SLC4A4: variants seen among roughly 807,000 people sequenced by gnomAD.
SLC4A4 encodes solute carrier family 4 member 4, also known as electrogenic sodium bicarbonate cotransporter 1.
In SLC4A4, 27 loss-of-function variants were observed where a neutral mutation model predicts 111.5. That is an observed-to-expected ratio of 0.24 (90% confidence interval 0.18 to 0.33). SLC4A4 has a LOEUF of 0.33. Ranked by LOEUF, SLC4A4 falls within the 10% of genes least tolerant of loss-of-function variation. The probability of loss-of-function intolerance (pLI) is 1.00; values close to 1 mark genes in which losing one functional copy is unlikely to be tolerated. For synonymous variants in SLC4A4, 443 were observed against 463.4 expected, an observed-to-expected ratio of 0.96 and a Z score of 0.57; for missense variants, 909 against 1,315.5, an observed-to-expected ratio of 0.69 and a Z score of 4.78.
intron 14 of SLC4A4, among the ~76,000 whole-genome samples, chr4:71,476,012 T>C (rs1180789358): frequency 6.6e-6 from 1 of 151,810 alleles, no homozygotes; most frequent in African/African-American, 2.4e-5. Flanking sequence ...GTACCTCTTA[T>C]TGGTACTCAT....
intron 3 of SLC4A4, among the ~76,000 whole-genome samples, chr4:71,326,916 G>C (rs1194528518): frequency 6.6e-6 from 1 of 152,036 alleles, no homozygotes; most frequent in African/African-American, 2.4e-5. Context: ...TGATAACTAT[G>C]TAAACCAGTT....
chr4:71,177,529 C>T (rs1471639726), intron 2 of SLC4A4, among the ~76,000 whole-genome samples: 3 of 152,198 alleles, frequency 2.0e-5, no homozygotes, highest in East Asian at 3.9e-4. Context: ...GGTTGCAATC[C>T]TAGTCTCTGA....
chr4:71,314,905 A>G (rs930452827), intron 3 of SLC4A4, among the ~76,000 whole-genome samples: 1 of 152,124 alleles, frequency 6.6e-6, no homozygotes, highest in Admixed American at 6.6e-5. Flanking sequence ...GATGTTCAGC[A>G]CATGTATCCC....
intron 16 of SLC4A4, among the ~76,000 whole-genome samples, chr4:71,525,164 C>T (rs1733303868): frequency 6.6e-6 from 1 of 152,144 alleles, no homozygotes; most frequent in East Asian, 1.9e-4. Context: ...GTTGTTTTGC[C>T]AAAGAAGGAG....
intron 15 of SLC4A4, among the ~76,000 whole-genome samples, chr4:71,487,884 T>G (rs1193123109): frequency 6.6e-6 from 1 of 151,600 alleles, no homozygotes. Context: ...GACTGCTTTT[T>G]TTGCTGTTAA....
intron 6 of SLC4A4, among the ~76,000 whole-genome samples, chr4:71,379,262 C>T (rs992084270): frequency 1.3e-5 from 2 of 152,184 alleles, no homozygotes; most frequent in African/African-American, 4.8e-5. Context: ...CCTGAGTTCT[C>T]TAGCCTGTGG....
chr4:71,195,790 G>T (rs530700428), intron 1 of SLC4A4, among the ~76,000 whole-genome samples: 2 of 152,220 alleles, frequency 1.3e-5, no homozygotes, highest in South Asian at 4.1e-4. Flanking sequence ...TAACAAATAG[G>T]ATTATGACAA....
At chr4:71,437,211 A>G (rs1724241669) in intron 7 of SLC4A4, 4 of 391,992 alleles carry the variant, frequency 1.0e-5, no homozygotes, top group Non-Finnish European at 2.0e-5. Context: ...TATGCTGTCC[A>G]AGAATCCACC....
upstream of SLC4A4, among the ~76,000 whole-genome samples, chr4:71,183,454 G>A (rs1159270927): frequency 6.6e-6 from 1 of 152,158 alleles, no homozygotes; most frequent in African/African-American, 2.4e-5. Flanking sequence ...TGGGGTTTGA[G>A]GAAGAGAATG....
intron 20 of SLC4A4, among the ~76,000 whole-genome samples, chr4:71,550,130 C>T (rs955689175): frequency 6.6e-6 from 1 of 151,858 alleles, no homozygotes; most frequent in African/African-American, 2.4e-5. Context: ...GTCCAGCAAA[C>T]GTTTTTGTTA....
chr4:71,255,696 G>A (rs79300015), intron 3 of SLC4A4, among the ~76,000 whole-genome samples: 2,625 of 152,226 alleles, frequency 0.017, 60 homozygotes, highest in African/African-American at 0.055. Flanking sequence ...TTTAACTACA[G>A]CAATAAACAG....
At chr4:71,329,970 T>C (rs926459017) in intron 3 of SLC4A4, among the ~76,000 whole-genome samples, 2 of 151,538 alleles carry the variant, frequency 1.3e-5, no homozygotes, top group African/African-American at 4.9e-5. Context: ...TAATATTATA[T>C]TGAGGTATGT....
At chr4:71,145,014 G>C (rs541691483) in intron 2 of SLC4A4, among the ~76,000 whole-genome samples, 4 of 152,022 alleles carry the variant, frequency 2.6e-5, no homozygotes, top group Non-Finnish European at 4.4e-5. Flanking sequence ...GAGGGCATCC[G>C]TGTCTTGTGC....
At chr4:71,425,759 G>C (rs1723065439) in intron 7 of SLC4A4, among the ~76,000 whole-genome samples, 1 of 152,022 alleles carries the variant, frequency 6.6e-6, no homozygotes, top group Non-Finnish European at 1.5e-5. Context: ...ATTGGCAGTT[G>C]GTTGAAAGAG....
chr4:71,549,744 A>T (rs1379485594), intron 20 of SLC4A4, among the ~76,000 whole-genome samples: 2 of 151,822 alleles, frequency 1.3e-5, no homozygotes, highest in Non-Finnish European at 2.9e-5. Context: ...TAGATACTGT[A>T]TAATTACTAT....
rs751548567 is a variant in SLC4A4 at position 71,571,553 on chromosome 4, C to T, written c.*3802C>T. The T allele has an allele frequency of 5.9e-5, 9 of 152,202 alleles. No individual in the cohort carries two copies. The highest frequency in any genetic ancestry group is 1.3e-4 in the Non-Finnish European group (9 of 67,840). The allele number at this position is 152,202 out of a possible 1,614,324, so 9.4% of individuals were successfully genotyped here. A position where few individuals can be genotyped will look rare whatever the true frequency, so the allele number is the denominator to read the frequency against. ...GATTTAGATATGTCCAATTTCCTGG[C>T]TCATTTCATTGTGCTCTATGGGTAC... On this transcript the variant is annotated 3_prime_UTR_variant, in exon 26 of 26. Transcript: ENST00000264485.
At chr4:71,072,100 T>C (rs533618811) in intron 1 of SLC4A4, among the ~76,000 whole-genome samples, 9 of 152,320 alleles carry the variant, frequency 5.9e-5, no homozygotes, top group African/African-American at 2.2e-4. Context: ...TGTATGTATT[T>C]GAATTGATCA....
At chr4:71,308,006 C>T (rs770219475) in intron 3 of SLC4A4, among the ~76,000 whole-genome samples, 21 of 152,066 alleles carry the variant, frequency 1.4e-4, no homozygotes, top group Non-Finnish European at 2.9e-4. Flanking sequence ...CTGCTTGCAG[C>T]CCTCAATACT....
chr4:71,369,391 G>A (rs139971135), intron 6 of SLC4A4, among the ~76,000 whole-genome samples: 1 of 152,272 alleles, frequency 6.6e-6, no homozygotes, highest in African/African-American at 2.4e-5. Flanking sequence ...TGGAAGGATT[G>A]TGAGACTAAG....
Sources: allele counts gnomAD v4.1 joint callset (sites outside exome capture counted in the v4.1 genomes callset), GRCh38; gene constraint gnomAD v4.1.1; transcripts MANE v1.5; gene names NCBI Gene and HGNC (gene_info 2026-07-23, HGNC 2026-07-21).